STEAP4: variants seen among roughly 807,000 people sequenced by gnomAD.
The protein encoded by STEAP4 is metalloreductase STEAP4.
Under a neutral mutation model 43.6 loss-of-function variants are expected in STEAP4, and 36 were observed. The ratio of observed to expected loss-of-function variants is 0.83; its 90% CI spans 0.63 to 1.09. The LOEUF (loss-of-function observed/expected upper bound fraction) is 1.09, where lower values mean the gene tolerates loss of function less well. STEAP4 is among the 50% of genes least tolerant of loss of function. The probability of loss-of-function intolerance (pLI) is 0.00; values close to 1 mark genes in which losing one functional copy is unlikely to be tolerated. For synonymous variants in STEAP4, 191 were observed against 196.7 expected (o/e 0.97, Z 0.24); for missense variants, 495 against 546.5 (o/e 0.91, Z 0.94).
Position 88,284,151 on chromosome 7 carries a change from T to G in STEAP4, c.119A>C (p.Gln40Pro). 1 of 1,614,188 alleles carries G rather than the reference T, an allele frequency of 6.2e-7. No homozygotes were observed. The highest frequency in any genetic ancestry group is 8.5e-7 in the Non-Finnish European group (1 of 1,180,038). ...TCCAAAAACAACAGAATAACCACACTGGAGCATTTTCAATCCCAGTGATCT... is the reference window on the plus strand; with the variant it reads ...TCCAAAAACAACAGAATAACCACACGGGAGCATTTTCAATCCCAGTGATCT... ...FGRSLGLKML[Q>P]CGYSVVFGSR... Residue 40 changes from glutamine (Q) to proline (P), a missense_variant, in exon 2 of 5, where the codon CAG becomes CCG. Gln to Pro is a moderately conservative substitution (Grantham distance 76). Coordinates refer to ENST00000380079, the MANE Select transcript of STEAP4 (RefSeq NM_024636.4).
At chr7:88,291,522 A>G (rs1852833542) in intron 1 of STEAP4, among the ~76,000 whole-genome samples, 2 of 151,740 alleles carry the variant, frequency 1.3e-5, no homozygotes, top group Non-Finnish European at 1.5e-5. Flanking sequence ...AGAAATAGAT[A>G]TATGCACACT....
chr7:88,302,019 T>C (rs1246168582), intron 1 of STEAP4, among the ~76,000 whole-genome samples: 3 of 152,260 alleles, frequency 2.0e-5, no homozygotes, highest in South Asian at 4.1e-4. Flanking sequence ...TAAAATGTTA[T>C]AATAATTTCA....
At chr7:88,286,805 ACACG>A (rs199858371) in intron 1 of STEAP4, among the ~76,000 whole-genome samples, 20 of 109,942 alleles carry the variant, frequency 1.8e-4, no homozygotes, top group African/African-American at 5.1e-4. Context: ...ACACACACAC[ACACG>A]CAAACAATGT....
rs769072522 is a variant in STEAP4, at chr7:88,279,499, G to A, written c.1279C>T (p.Pro427Ser). 6.2e-7 allele frequency: 1 copy of A among 1,614,150 alleles called. No homozygotes were observed. Among genetic ancestry groups the A allele is most frequent in the African/African-American group, 1.3e-5 (1 of 75,048 alleles). The change falls in exon 5 of 5, where the codon CCT becomes TCT. Residue 427 changes from proline to serine, a missense_variant. Pro to Ser is a moderately conservative substitution (Grantham distance 74). Coordinates refer to ENST00000380079, the MANE Select transcript of STEAP4 (RefSeq NM_024636.4). ...AACTTGATCACCAGCACAGTGCAAG[G>A]AATGATAAGCCCTAACACGTAGGCT... is the stretch of plus-strand genomic sequence containing the variant. ...PAAYVLGLII[P>S]CTVLVIKFVL...
chr7:88,283,218 T>G (rs531093263), intron 2 of STEAP4, 50 bp from the exon 3 acceptor site: 1 of 1,489,780 alleles, frequency 6.7e-7, no homozygotes. Context: ...TTTCCTTATT[T>G]AATAATTATT....
intron 1 of STEAP4, among the ~76,000 whole-genome samples, chr7:88,300,162 T>C (rs1853006416): frequency 6.6e-6 from 1 of 152,224 alleles, no homozygotes. Context: ...TGCTAGTTGA[T>C]AAATATTTTA....
Position 88,279,104 on chromosome 7 carries a change from A to C in STEAP4, c.*294T>G, listed in dbSNP as rs906261926. The C allele has an allele frequency of 7.8e-6, 3 of 386,870 alleles. No homozygotes were observed. Among genetic ancestry groups the C allele is most frequent in the Non-Finnish European group, 1.4e-5 (3 of 208,412 alleles). The allele number at this position is 386,870 out of a possible 1,614,324, so 24.0% of individuals were successfully genotyped here. ...GTCATGCATGTTGCCCATAACAAGGAAACTCTTTAGTGTGAAACCACAAGG... is the reference window on the plus strand; with the variant it reads ...GTCATGCATGTTGCCCATAACAAGGCAACTCTTTAGTGTGAAACCACAAGG... On this transcript the variant is annotated 3_prime_UTR_variant, in exon 5 of 5. Coordinates refer to ENST00000380079, the MANE Select transcript of STEAP4 (RefSeq NM_024636.4).
intron 1 of STEAP4, among the ~76,000 whole-genome samples, chr7:88,293,610 T>C (rs1852877154): frequency 6.6e-6 from 1 of 152,210 alleles, no homozygotes; most frequent in Non-Finnish European, 1.5e-5. Flanking sequence ...GTAATTTTCA[T>C]ACATAGTGTA....
In STEAP4 at chr7:88,271,512, G is replaced by A. The variant is rs1227951725; in HGVS notation, c.*7886C>T. On this transcript the variant is annotated 3_prime_UTR_variant, in exon 5 of 5. Coordinates refer to ENST00000380079, the MANE Select transcript of STEAP4 (RefSeq NM_024636.4). ...TTGGTTTGTTTTAAACAGCTGCATA[G>A]AATTTCATTCTGTGAAAGCATCATA... The A allele has an allele frequency of 6.6e-6, 1 of 152,190 alleles. No homozygotes were observed. The highest frequency in any genetic ancestry group is 1.5e-5 in the Non-Finnish European group (1 of 68,036). 9.4% of individuals were successfully genotyped at this position (152,190 alleles called of 1,614,324 possible). A position where few individuals can be genotyped will look rare whatever the true frequency, so the allele number is the denominator to read the frequency against.
intron 1 of STEAP4, among the ~76,000 whole-genome samples, chr7:88,298,631 C>T (rs7777716): frequency 0.013 from 2,020 of 152,050 alleles, 37 homozygotes; most frequent in African/African-American, 0.038. Flanking sequence ...ATATTGCTGC[C>T]CATTCTCTTA....
rs117668290 is a variant in STEAP4, at chr7:88,280,444, T to C, written c.1149+471A>G. On this transcript the variant is annotated intron_variant, in intron 4 of 4. Transcript: ENST00000380079. ...TTTGAGGACCACTGGTCTACAAGAA[T>C]GTGTAGTTACTAACTGCCTTTAAAG... Among the ~76,000 whole-genome samples the C allele has an allele frequency of 8.3e-3, 1,258 of 152,322 alleles. 19 individuals are homozygous for C. The highest frequency in any genetic ancestry group is 0.051 in the East Asian group (266 of 5,174).
intron 3 of STEAP4, chr7:88,281,404 T>A (rs772708347): frequency 5.3e-6 from 1 of 187,638 alleles, no homozygotes; most frequent in Non-Finnish European, 1.1e-5. Context: ...CTTGATGTTC[T>A]CAAACAATTA....
intron 1 of STEAP4, among the ~76,000 whole-genome samples, chr7:88,294,681 T>TTTTTTTTTTTTTTTTTTTTTTTG (rs1563502414): frequency 6.6e-6 from 1 of 152,150 alleles, no homozygotes; most frequent in African/African-American, 2.4e-5. Flanking sequence ...ATATCTCTTC[T>TTTTTTTTTTTTTTTTTTTTTTTG]AAATGGTGGT....
chr7:88,286,435 A>AT (rs1259045978), intron 1 of STEAP4, among the ~76,000 whole-genome samples: 1,523 of 149,716 alleles, frequency 0.01, 29 homozygotes, highest in African/African-American at 0.035. Flanking sequence ...AGGATATCTA[A>AT]TTTTTTTTTT....
intron 4 of STEAP4, 93 bp from the exon 5 acceptor site, chr7:88,279,721 C>G: frequency 9.3e-7 from 1 of 1,077,182 alleles, no homozygotes; most frequent in Non-Finnish European, 1.3e-6. Context: ...TCAACAACCA[C>G]AAACATTTGA....
Position 88,280,945 on chromosome 7 carries a change from T to A in STEAP4, c.1119A>T (p.Ala373=), listed in dbSNP as rs1203582502. 2 of 1,611,418 alleles carry A rather than the reference T, an allele frequency of 1.2e-6. No individual in the cohort carries two copies. Among genetic ancestry groups the A allele is most frequent in the Non-Finnish European group, 1.7e-6 (2 of 1,179,032 alleles). The change falls in exon 4 of 5, where the codon GCA becomes GCT. Residue 373 remains alanine, a synonymous_variant. Coordinates refer to ENST00000380079, the MANE Select transcript of STEAP4 (RefSeq NM_024636.4). The stretch of plus-strand genomic sequence containing the variant: ...CAAATCGGAACTCTCTCCAGTTGAC[T>A]GCATTGCTAACAGATGGCAAAGAAG... ...GITSLPSVSN[A]VNWREFRFVQ... is the part of the protein sequence containing the mutation.
Position 88,279,544 on chromosome 7 carries a change from G to A in STEAP4, c.1234C>T (p.Leu412Phe). The A allele has an allele frequency of 6.2e-7, 1 of 1,614,114 alleles. No individual in the cohort carries two copies. Among genetic ancestry groups the A allele is most frequent in the East Asian group, 2.2e-5 (1 of 44,872 alleles). Residue 412 changes from leucine to phenylalanine, a missense_variant, in exon 5 of 5, where the codon CTC becomes TTC. Coordinates refer to ENST00000380079, the MANE Select transcript of STEAP4 (RefSeq NM_024636.4). ...TAGGCTGCAGGAAGATACCATCTGAGATTTGAAGGGCTGAGGAATCTCTTC... is the reference window on the plus strand; with the variant it reads ...TAGGCTGCAGGAAGATACCATCTGAAATTTGAAGGGCTGAGGAATCTCTTC... ...GGKRFLSPSN[L>F]RWYLPAAYVL...
At chr7:88,287,056 C>T (rs371206507) in intron 1 of STEAP4, among the ~76,000 whole-genome samples, 74 of 152,182 alleles carry the variant, frequency 4.9e-4, no homozygotes, top group African/African-American at 1.7e-3. Context: ...AGCAGCACCT[C>T]CAGAGAGGCC....
In STEAP4 at chr7:88,293,117, C is replaced by T. The variant is rs77648490; in HGVS notation, c.-2-8846G>A. The T allele has an allele frequency of 3.0e-3, 458 of 152,304 alleles. 3 individuals carry two copies. Among genetic ancestry groups the T allele is most frequent in the African/African-American group, 0.011 (443 of 41,558 alleles). The allele number at this position is 152,304 out of a possible 1,614,324, so 9.4% of individuals were successfully genotyped here. ...CTGACTTCGAATGTGTACTAATTTA[C>T]CCCTTACCAGGTATTTATGAGTCAT... On this transcript the variant is annotated intron_variant, in intron 1 of 4. Coordinates refer to ENST00000380079, the MANE Select transcript of STEAP4 (RefSeq NM_024636.4).
Sources: allele counts gnomAD v4.1 joint callset (sites outside exome capture counted in the v4.1 genomes callset), GRCh38; gene constraint gnomAD v4.1.1; transcripts MANE v1.5; gene names NCBI Gene and HGNC (gene_info 2026-07-23, HGNC 2026-07-21).